Variants in PDE4D observed in about 807,000 individuals in gnomAD.
PDE4D encodes 3',5'-cyclic-AMP phosphodiesterase 4D.
In PDE4D, 24 loss-of-function variants were observed where a neutral mutation model predicts 87.4. The observed-to-expected ratio is 0.27, with a 90% confidence interval of 0.20 to 0.39. The LOEUF is 0.39. Among genes scored for constraint, PDE4D ranks in the 10% least tolerant of loss-of-function variants. The probability of loss-of-function intolerance (pLI) is 1.00; values close to 1 mark genes in which losing one functional copy is unlikely to be tolerated. For synonymous variants in PDE4D, 384 were observed against 383.2 expected (o/e 1.00, Z -0.02); for missense variants, 714 against 1,041.0 (o/e 0.69, Z 4.32).
chr5:59,305,835 G>A, intron 1 of PDE4D, among the ~76,000 whole-genome samples: 1 of 152,092 alleles, frequency 6.6e-6, no homozygotes, highest in Non-Finnish European at 1.5e-5. Context: ...GTCTATCTTG[G>A]AGAAAGTTCC....
chr5:59,895,713 C>T (rs532174121), upstream of PDE4D, among the ~76,000 whole-genome samples: 1 of 152,326 alleles, frequency 6.6e-6, no homozygotes, highest in South Asian at 2.1e-4. Flanking sequence ...CCCTGAAATG[C>T]TTGCCACCTT....
chr5:59,316,176 A>G (rs2153568768), intron 1 of PDE4D, among the ~76,000 whole-genome samples: 1 of 152,280 alleles, frequency 6.6e-6, no homozygotes, highest in East Asian at 1.9e-4. Context: ...GAGGTACATG[A>G]AGATAACAAG....
intron 1 of PDE4D, among the ~76,000 whole-genome samples, chr5:59,436,937 T>C (rs1258089052): frequency 6.6e-6 from 1 of 152,202 alleles, no homozygotes; most frequent in African/African-American, 2.4e-5. Context: ...GGTATCTAAG[T>C]AAGTTTTGTT....
At chr5:59,751,287 A>C (rs1760419286) in intron 1 of PDE4D, among the ~76,000 whole-genome samples, 1 of 152,198 alleles carries the variant, frequency 6.6e-6, no homozygotes, top group Non-Finnish European at 1.5e-5. Context: ...CACAAGTGCC[A>C]CTAGTAGAAT....
intron 1 of PDE4D, among the ~76,000 whole-genome samples, chr5:59,720,074 C>G (rs1343992202): frequency 1.3e-5 from 2 of 152,198 alleles, no homozygotes; most frequent in African/African-American, 2.4e-5. Context: ...TTCTTCCACT[C>G]TGTCACACAT....
intron 5 of PDE4D, among the ~76,000 whole-genome samples, chr5:59,102,887 G>A (rs1056005904): frequency 1.6e-4 from 24 of 152,098 alleles, no homozygotes; most frequent in African/African-American, 5.1e-4. Flanking sequence ...GCCTGGGGAG[G>A]GGGAGCATAA....
chr5:58,981,839 G>A (rs78203354), intron 11 of PDE4D, among the ~76,000 whole-genome samples: 1 of 152,086 alleles, frequency 6.6e-6, no homozygotes, highest in Non-Finnish European at 1.5e-5. Flanking sequence ...ACAGGGCATG[G>A]TTAATACTAA....
rs1449461985 is a variant in PDE4D at position 59,519,831 on chromosome 5, G to C, written c.456-303863C>G. Among the ~76,000 whole-genome samples, 4 of 152,170 alleles carry C rather than the reference G, an allele frequency of 2.6e-5. No individual in the cohort carries two copies. The East Asian group carries it at 7.7e-4, about 29-fold the overall frequency. On this transcript the variant is annotated intron_variant, in intron 1 of 14. Coordinates refer to ENST00000340635, the MANE Select transcript of PDE4D (RefSeq NM_001104631.2). ...CCATTAATTTAAGAGAAAGATGAGA[G>C]AACAGTCATGTGGGAAGCACAGGAA...
intron 1 of PDE4D, among the ~76,000 whole-genome samples, chr5:59,244,627 C>T (rs950051737): frequency 2.9e-5 from 4 of 138,676 alleles, no homozygotes; most frequent in African/African-American, 1.1e-4. Flanking sequence ...CATGTATGTA[C>T]ATTTACATAT....
In PDE4D at chr5:59,123,261, T is replaced by A. The variant is rs184278049; in HGVS notation, c.808+57334A>T. Among the ~76,000 whole-genome samples the A allele has an allele frequency of 5.9e-5, 9 of 152,126 alleles. No homozygotes were observed. The South Asian group carries it at 1.2e-3, about 21-fold the overall frequency. ...CATCTGGAAGTCACACATAGTCTTC[T>A]TTCTGTCTTCAGCCATGAGCAATAG... On this transcript the variant is annotated intron_variant, in intron 5 of 14. Coordinates refer to ENST00000340635, the MANE Select transcript of PDE4D (RefSeq NM_001104631.2).
At chr5:59,159,617 T>G (rs1780748384) in intron 5 of PDE4D, among the ~76,000 whole-genome samples, 1 of 152,190 alleles carries the variant, frequency 6.6e-6, no homozygotes, top group Non-Finnish European at 1.5e-5. Flanking sequence ...TTTATACTAT[T>G]CAAAATCAGT....
At chr5:59,673,266 C>T (rs544962691) in intron 1 of PDE4D, among the ~76,000 whole-genome samples, 1 of 152,216 alleles carries the variant, frequency 6.6e-6, no homozygotes, top group South Asian at 2.1e-4. Flanking sequence ...GTAAACTTTA[C>T]CACATTTGCC....
chr5:59,810,910 A>G (rs1768281466), intron 1 of PDE4D, among the ~76,000 whole-genome samples: 1 of 152,238 alleles, frequency 6.6e-6, no homozygotes, highest in Non-Finnish European at 1.5e-5. Context: ...TAAGATGCAT[A>G]CATTTAGCAG....
At chr5:59,333,664 A>G (rs1231652129) in intron 1 of PDE4D, among the ~76,000 whole-genome samples, 1 of 152,178 alleles carries the variant, frequency 6.6e-6, no homozygotes, top group African/African-American at 2.4e-5. Context: ...TTTGTAATTT[A>G]TGTAGCCTAA....
intron 1 of PDE4D, among the ~76,000 whole-genome samples, chr5:60,302,666 T>C (rs1754011117): frequency 6.6e-6 from 1 of 152,210 alleles, no homozygotes; most frequent in Admixed American, 6.5e-5. Flanking sequence ...CTCTATCCCC[T>C]TCAATTCAAC....
chr5:59,587,633 C>T lies in PDE4D; in HGVS notation c.455+305535G>A, dbSNP rs1214218252. On this transcript the variant is annotated intron_variant, in intron 1 of 14. Transcript: ENST00000340635. The stretch of plus-strand genomic sequence containing the variant: ...GTACTGTACATTAACTCTGCAGCAG[C>T]CTGGCTCAGCTGCAGAGACTGCTGC... The T allele has an allele frequency of 6.1e-6, 6 of 984,958 alleles. No individual in the cohort carries two copies. In the African/African-American group the frequency reaches 1.0e-4, roughly 17 times the overall value. 61.0% of individuals were successfully genotyped at this position (984,958 alleles called of 1,614,324 possible).
chr5:60,138,541 T>C (rs1446748695), intron 2 of PDE4D, among the ~76,000 whole-genome samples: 4 of 152,128 alleles, frequency 2.6e-5, no homozygotes, highest in South Asian at 2.1e-4. Flanking sequence ...CTTTCATTAT[T>C]GTAAAGAATA....
intron 1 of PDE4D, among the ~76,000 whole-genome samples, chr5:60,316,447 T>C (rs1016008581): frequency 6.6e-6 from 1 of 152,184 alleles, no homozygotes; most frequent in Non-Finnish European, 1.5e-5. Context: ...ACAATTTGAT[T>C]TCCTGTTTTC....
At chr5:59,001,172 A>G (rs1210224378) in intron 6 of PDE4D, among the ~76,000 whole-genome samples, 1 of 152,218 alleles carries the variant, frequency 6.6e-6, no homozygotes, top group Non-Finnish European at 1.5e-5. Context: ...TGTAACTTTA[A>G]TACTAAAGAG....
Sources: allele counts gnomAD v4.1 joint callset (sites outside exome capture counted in the v4.1 genomes callset), GRCh38; gene constraint gnomAD v4.1.1; transcripts MANE v1.5; gene names NCBI Gene and HGNC (gene_info 2026-07-23, HGNC 2026-07-21).